The following MYDGF variants were observed in gnomAD, a reference collection of about 807,000 sequenced individuals.
MYDGF encodes myeloid-derived growth factor.
MYDGF carries 29 observed loss-of-function variants against 24.2 expected under a neutral mutation model. The ratio of observed to expected loss-of-function variants is 1.20; its 90% confidence interval spans 0.89 to 1.63. MYDGF has a LOEUF of 1.63. MYDGF is among the 40% of genes most tolerant of loss of function. The pLI is 0.00. For synonymous variants in MYDGF, 105 were observed against 102.5 expected (o/e 1.02, Z -0.15); for missense variants, 245 against 234.8 (o/e 1.04, Z -0.29).
intron 1 of MYDGF, 42 bp downstream of exon 1, chr19:4,670,119 G>T: frequency 7.0e-7 from 1 of 1,437,994 alleles, no homozygotes; most frequent in Non-Finnish European, 9.2e-7. Context: ...CCCTCCCCGG[G>T]CCTGCCAGCA....
chr19:4,662,233 C>T (rs2088476648), intron 3 of MYDGF, among the ~76,000 whole-genome samples: 1 of 152,238 alleles, frequency 6.6e-6, no homozygotes, highest in Non-Finnish European at 1.5e-5. Context: ...GTCGCCACTC[C>T]CTGATCTCTG....
chr19:4,666,478 C>G (rs971923842), intron 2 of MYDGF, among the ~76,000 whole-genome samples: 10 of 151,918 alleles, frequency 6.6e-5, no homozygotes, highest in Non-Finnish European at 5.9e-5. Flanking sequence ...GTTTCACCAT[C>G]TTAGCAAGGC....
intron 3 of MYDGF, among the ~76,000 whole-genome samples, 171 bp downstream of exon 3, chr19:4,664,705 C>T (rs2088506877): frequency 6.6e-6 from 1 of 152,096 alleles, no homozygotes; most frequent in Non-Finnish European, 1.5e-5. Flanking sequence ...TTGGGGAGCA[C>T]TCCCACCCCA....
intron 3 of MYDGF, among the ~76,000 whole-genome samples, chr19:4,664,067 G>A (rs374404804): frequency 6.6e-6 from 1 of 151,990 alleles, no homozygotes; most frequent in Non-Finnish European, 1.5e-5. Context: ...AGAGACGCCA[G>A]ACACCAAAGG....
At chr19:4,666,186 G>A (rs966257829) in intron 2 of MYDGF, among the ~76,000 whole-genome samples, 3 of 152,098 alleles carry the variant, frequency 2.0e-5, no homozygotes, top group African/African-American at 4.8e-5. Context: ...TGTTACCACC[G>A]GGGAACCTGG....
rs1321098619 is a variant in MYDGF at position 4,659,911 on chromosome 19, CCATCCCCAT to C, written c.442+11_442+19del. 1 of 1,612,382 alleles carries C rather than the reference CCATCCCCAT, an allele frequency of 6.2e-7. No homozygotes were observed. The highest frequency in any genetic ancestry group is 2.2e-5 in the East Asian group (1 of 44,882). On this transcript the variant is annotated intron_variant, in intron 5 of 5. Transcript: ENST00000262947. ...GGATGGGGGTGGCGTCACCTCTACC[CCATCCCCAT>C]CTTTCCGTACCTGCTGTTTTGGTCA...
Position 4,670,317 on chromosome 19 carries a change from T to G in MYDGF, c.18A>C (p.Gly6=), listed in dbSNP as rs2088556648. The change falls in exon 1 of 6, where the codon GGA becomes GGC. Residue 6 remains glycine (G), a synonymous_variant. Transcript: ENST00000262947. The part of the protein sequence containing the change: MAAPS[G]GWNGVGASLW... ...AGCTCGCGCCGACGCCGTTCCACCCTCCGCTGGGCGCCGCCATGTTGGACT... is the reference window on the plus strand; with the variant it reads ...AGCTCGCGCCGACGCCGTTCCACCCGCCGCTGGGCGCCGCCATGTTGGACT... 6.8e-7 allele frequency: 1 copy of G among 1,466,086 alleles called. No individual in the cohort carries two copies. The highest frequency in any genetic ancestry group is 2.9e-5 in the East Asian group (1 of 34,226). 90.8% of individuals were successfully genotyped at this position (1,466,086 alleles called of 1,614,324 possible). A position where few individuals can be genotyped will look rare whatever the true frequency, so the allele number is the denominator to read the frequency against.
intron 1 of MYDGF, among the ~76,000 whole-genome samples, chr19:4,669,149 G>A (rs991120528): frequency 6.6e-6 from 1 of 152,070 alleles, no homozygotes; most frequent in Non-Finnish European, 1.5e-5. Flanking sequence ...ACATATAAAG[G>A]ACTTGGCATC....
At chr19:4,659,202 A>C (rs921980745) in intron 5 of MYDGF, among the ~76,000 whole-genome samples, 2 of 151,992 alleles carry the variant, frequency 1.3e-5, no homozygotes, top group Non-Finnish European at 2.9e-5. Flanking sequence ...CAGCCTCCTA[A>C]GTAGCTGAGA....
rs1236566857 is a variant in MYDGF at position 4,658,037 on chromosome 19, T to C, written c.490A>G (p.Ile164Val). The C allele has an allele frequency of 6.2e-7, 1 of 1,611,800 alleles. No homozygotes were observed. The highest frequency in any genetic ancestry group is 8.5e-7 in the Non-Finnish European group (1 of 1,179,438). ...AFKAELSKLV[I>V]VAKASRTEL ...TCAGTGCGCGATGCCTTGGCCACAA[T>C]CACCAGCTTGGACAGCTCAGCTTTG... Residue 164 changes from isoleucine to valine, a missense_variant, in exon 6 of 6, where the codon ATT becomes GTT. Physicochemically the swap from Ile to Val is conservative, Grantham distance 29 (BLOSUM62 3). Coordinates refer to ENST00000262947, the MANE Select transcript of MYDGF (RefSeq NM_019107.4).
intron 4 of MYDGF, 83 bp from the exon 5 acceptor site, chr19:4,660,086 A>T: frequency 9.7e-6 from 13 of 1,333,336 alleles, no homozygotes; most frequent in Non-Finnish European, 1.3e-5. Flanking sequence ...TTTCCAGAGA[A>T]GCACAGACTA....
rs776602004 is a variant in MYDGF, at chr19:4,660,671, A to T, written c.367T>A (p.Tyr123Asn). 1.2e-6 allele frequency: 2 copies of T among 1,613,720 alleles called. No homozygotes were observed. Among genetic ancestry groups the T allele is most frequent in the Non-Finnish European group, 8.5e-7 (1 of 1,179,688 alleles). The change falls in exon 4 of 6, where the codon TAC (tyrosine) becomes AAC (asparagine). Residue 123 changes from tyrosine to asparagine, a missense_variant and splice_region_variant. Coordinates refer to ENST00000262947, the MANE Select transcript of MYDGF (RefSeq NM_019107.4). ...RGAEIEYAMA[Y>N]SKAAFERESD... ...CTGCCCCACTCCAAGATACTCACGT[A>T]GGCCATGGCGTACTCAATCTCAGCG...
intron 5 of MYDGF, chr19:4,659,650 C>T (rs1237925974): frequency 3.9e-6 from 2 of 509,128 alleles, no homozygotes; most frequent in East Asian, 2.9e-5. Context: ...GCATGAGCCA[C>T]CGCGCCCAGC....
Position 4,664,304 on chromosome 19 carries a change from TATGGA to T in MYDGF, c.287+567_287+571del, listed in dbSNP as rs1174551796. Among the ~76,000 whole-genome samples, 3 of 152,094 alleles carry T rather than the reference TATGGA, an allele frequency of 2.0e-5. No individual in the cohort carries two copies. In the East Asian group the frequency reaches 5.8e-4, roughly 29 times the overall value. ...ATTGTGAGCTTAAAATGCTGTGCTT[TATGGA>T]ATTTTATCTCAGTTTTTAAACATTG... On this transcript the variant is annotated intron_variant, in intron 3 of 5. Coordinates refer to ENST00000262947, the MANE Select transcript of MYDGF (RefSeq NM_019107.4).
intron 1 of MYDGF, 117 bp from the exon 2 acceptor site, chr19:4,668,762 G>A (rs1478837528): frequency 3.8e-6 from 3 of 785,442 alleles, no homozygotes; most frequent in Non-Finnish European, 6.4e-6. Context: ...GCTCACTGCA[G>A]CCTCGAACTC....
chr19:4,665,713 C>T (rs1339069119), intron 2 of MYDGF, among the ~76,000 whole-genome samples: 2 of 147,642 alleles, frequency 1.4e-5, no homozygotes, highest in South Asian at 2.2e-4. Flanking sequence ...CCCAGCTACT[C>T]GGGAGGCTAA....
intron 5 of MYDGF, among the ~76,000 whole-genome samples, chr19:4,658,654 G>C (rs2145181594): frequency 6.6e-6 from 1 of 152,276 alleles, no homozygotes; most frequent in African/African-American, 2.4e-5. Flanking sequence ...GCTGAATGTG[G>C]CTTGAGGACA....
At chr19:4,660,418 G>T (rs373299519) in intron 4 of MYDGF, among the ~76,000 whole-genome samples, 1 of 152,094 alleles carries the variant, frequency 6.6e-6, no homozygotes, top group South Asian at 2.1e-4. Flanking sequence ...GTGAACCGCC[G>T]CGCCTGGCCT....
rs755622953 is a variant in MYDGF, at chr19:4,659,995, G to A, written c.378C>T (p.Ala126=). 42 of 1,613,676 alleles carry A rather than the reference G, an allele frequency of 2.6e-5. 1 individual carries two copies. The East Asian group carries it at 4.2e-4, about 16-fold the overall frequency. The change falls in exon 5 of 6, where the codon GCC becomes GCT. Residue 126 remains alanine (A), a synonymous_variant. Coordinates refer to ENST00000262947, the MANE Select transcript of MYDGF (RefSeq NM_019107.4). The part of the protein sequence containing the change: ...EIEYAMAYSK[A]AFERESDVPL... ...GGACATCACTTTCCCTTTCAAATGC[G>A]GCTTTAGACTGAAAAAGAATGAGTG...
Sources: gnomAD v4.1 joint callset for allele counts (sites outside exome capture counted in the v4.1 genomes callset) on GRCh38, gnomAD v4.1.1 for gene constraint, MANE v1.5 for transcripts, NCBI Gene and HGNC (gene_info 2026-07-23, HGNC 2026-07-21) for gene names.